CNTN5: variants seen among roughly 807,000 people sequenced by gnomAD.
CNTN5 encodes the protein contactin 5.
CNTN5 carries 77 observed loss-of-function variants against 129.1 expected under a neutral mutation model. That is an observed-to-expected ratio of 0.60 (90% CI 0.50 to 0.72). The LOEUF (loss-of-function observed/expected upper bound fraction) is 0.72, where lower values mean the gene tolerates loss of function less well. CNTN5 is among the 30% of genes least tolerant of loss of function. The pLI is 0.00. For synonymous variants in CNTN5, 509 were observed against 465.6 expected, an observed-to-expected ratio of 1.09 and a Z score of -1.20; for missense variants, 1,478 against 1,328.8, an observed-to-expected ratio of 1.11 and a Z score of -1.75.
intron 4 of CNTN5, among the ~76,000 whole-genome samples, chr11:99,840,502 G>A (rs1947451476): frequency 6.6e-6 from 1 of 151,564 alleles, no homozygotes; most frequent in African/African-American, 2.4e-5. Flanking sequence ...TTTCCAAATT[G>A]AAACAATTCT....
At chr11:99,617,050 G>T (rs143917868) in intron 3 of CNTN5, among the ~76,000 whole-genome samples, 10,547 of 152,272 alleles carry the variant, frequency 0.069, 400 homozygotes, top group East Asian at 0.1. Context: ...GGTGGAGGTT[G>T]CAGTGAGCCA....
intron 10 of CNTN5, among the ~76,000 whole-genome samples, chr11:100,065,960 G>T (rs370625398): frequency 2.0e-5 from 3 of 151,912 alleles, no homozygotes; most frequent in African/African-American, 7.2e-5. Flanking sequence ...ATATAAAATT[G>T]TTGATTCCTG....
At chr11:99,747,594 C>G (rs542294808) in intron 3 of CNTN5, among the ~76,000 whole-genome samples, 4 of 151,378 alleles carry the variant, frequency 2.6e-5, no homozygotes, top group African/African-American at 9.7e-5. Context: ...GCCTCCCTCT[C>G]GAGTAGGTGG....
chr11:99,073,013 T>C (rs553894525), intron 1 of CNTN5, among the ~76,000 whole-genome samples: 101 of 152,332 alleles, frequency 6.6e-4, no homozygotes, highest in Non-Finnish European at 1.1e-3. Context: ...CTTCTTTTGC[T>C]GAATGTTATA....
intron 1 of CNTN5, among the ~76,000 whole-genome samples, chr11:99,247,597 G>A (rs1365861995): frequency 6.6e-6 from 1 of 150,482 alleles, no homozygotes; most frequent in African/African-American, 2.4e-5. Flanking sequence ...ATCTCCTAAT[G>A]CTATCCCTCC....
intron 16 of CNTN5, among the ~76,000 whole-genome samples, chr11:100,228,445 CCTGT>C (rs151222685): frequency 0.052 from 7,947 of 152,232 alleles, 260 homozygotes; most frequent in East Asian, 0.17. Flanking sequence ...CAGATTTCAA[CCTGT>C]CTTTCAATTG....
intron 1 of CNTN5, among the ~76,000 whole-genome samples, chr11:99,291,174 A>G (rs1033659557): frequency 6.6e-6 from 1 of 151,844 alleles, no homozygotes; most frequent in Admixed American, 6.6e-5. Flanking sequence ...AAATGAAAAC[A>G]TTTTCTAGTG....
intron 3 of CNTN5, among the ~76,000 whole-genome samples, chr11:99,673,375 C>T (rs892198456): frequency 1.3e-5 from 2 of 152,176 alleles, no homozygotes; most frequent in South Asian, 2.1e-4. Flanking sequence ...AATGATTATA[C>T]AGAGTCATGG....
At chr11:99,460,632 T>A (rs2135231341) in intron 2 of CNTN5, among the ~76,000 whole-genome samples, 1 of 152,104 alleles carries the variant, frequency 6.6e-6, no homozygotes, top group Non-Finnish European at 1.5e-5. Flanking sequence ...CCAACACGTA[T>A]TAACTGACTG....
At chr11:99,506,939 A>G (rs1553520) in intron 2 of CNTN5, among the ~76,000 whole-genome samples, 8,656 of 152,242 alleles carry the variant, frequency 0.057, 261 homozygotes, top group South Asian at 0.084. Context: ...AAAAAATATA[A>G]AAAGTTGAAA....
intron 13 of CNTN5, among the ~76,000 whole-genome samples, chr11:100,086,154 G>A (rs1944545197): frequency 6.6e-6 from 1 of 151,646 alleles, no homozygotes; most frequent in Non-Finnish European, 1.5e-5. Flanking sequence ...CCAAGAGGTA[G>A]TCTTTGAAAG....
intron 9 of CNTN5, among the ~76,000 whole-genome samples, chr11:100,014,147 A>C (rs1940687527): frequency 6.6e-6 from 1 of 152,180 alleles, no homozygotes; most frequent in African/African-American, 2.4e-5. Context: ...TCATGCATTC[A>C]AAAATTTTGT....
At chr11:99,745,490 T>C (rs1006133357) in intron 3 of CNTN5, among the ~76,000 whole-genome samples, 1 of 146,152 alleles carries the variant, frequency 6.8e-6, no homozygotes, top group Non-Finnish European at 1.5e-5. Context: ...AGCTAATGAG[T>C]TTTTTGCTCT....
At chr11:99,122,234 G>C (rs1442850029) in intron 1 of CNTN5, among the ~76,000 whole-genome samples, 3 of 151,832 alleles carry the variant, frequency 2.0e-5, no homozygotes, top group East Asian at 1.9e-4. Flanking sequence ...CTTGCTTTAG[G>C]AACAGTTGTC....
At position 99,879,712 on chromosome 11, in the gene CNTN5, C is replaced by G. The variant is rs1054702215; in HGVS notation, c.577+34450C>G. ...AGTCCTATGTCAAATAGTATTAACA[C>G]TTTATTCCATGCAATGCTTACGACA... is the stretch of plus-strand genomic sequence containing the variant. On this transcript the variant is annotated intron_variant, in intron 6 of 24. Coordinates refer to ENST00000524871, the MANE Select transcript of CNTN5 (RefSeq NM_014361.4). Among the ~76,000 whole-genome samples the G allele has an allele frequency of 4.6e-5, 7 of 152,248 alleles. No individual in the cohort carries two copies. In the East Asian group the frequency reaches 9.6e-4, roughly 21 times the overall value.
intron 1 of CNTN5, among the ~76,000 whole-genome samples, chr11:99,032,761 C>G (rs1863464576): frequency 1.3e-5 from 2 of 149,460 alleles, no homozygotes; most frequent in African/African-American, 5.0e-5. Context: ...TGCAGAAGCT[C>G]TTTAGTTTAA....
At chr11:99,928,235 G>A (rs1950108716) in intron 7 of CNTN5, among the ~76,000 whole-genome samples, 1 of 152,170 alleles carries the variant, frequency 6.6e-6, no homozygotes, top group African/African-American at 2.4e-5. Context: ...GGCTGGCATT[G>A]TTTGTAGCTT....
rs1954248763 is a variant in CNTN5 at position 99,695,892 on chromosome 11, A to G, written c.56-123652A>G. Among the ~76,000 whole-genome samples the G allele has an allele frequency of 2.0e-5, 3 of 152,116 alleles. No individual in the cohort carries two copies. In the South Asian group the frequency reaches 6.2e-4, roughly 31 times the overall value. Reference sequence around the variant, plus strand: ...AATGTCTATTACTAACACTAAAAGCACTTACCTTGTAGGGTTGTTAGGAGG... The same window carrying G: ...AATGTCTATTACTAACACTAAAAGCGCTTACCTTGTAGGGTTGTTAGGAGG... On this transcript the variant is annotated intron_variant, in intron 3 of 24. Coordinates refer to ENST00000524871, the MANE Select transcript of CNTN5 (RefSeq NM_014361.4).
chr11:99,453,937 A>G (rs1000324102), intron 2 of CNTN5, among the ~76,000 whole-genome samples: 11 of 152,218 alleles, frequency 7.2e-5, no homozygotes, highest in African/African-American at 2.7e-4. Context: ...GAAGAGGGAA[A>G]AAAGCACAAT....
Sources: gnomAD v4.1 joint callset for allele counts (sites outside exome capture counted in the v4.1 genomes callset) on GRCh38, gnomAD v4.1.1 for gene constraint, MANE v1.5 for transcripts, NCBI Gene and HGNC (gene_info 2026-07-23, HGNC 2026-07-21) for gene names.